PTPRD: variants seen among roughly 807,000 people sequenced by gnomAD.
PTPRD encodes receptor-type tyrosine-protein phosphatase delta.
Under a neutral mutation model 214.5 loss-of-function variants are expected in PTPRD, and 34 were observed. The observed-to-expected ratio is 0.16, with a 90% CI of 0.12 to 0.21. The LOEUF is 0.21. PTPRD is among the 10% of genes least tolerant of loss of function. PTPRD has a pLI of 1.00. For missense variants in PTPRD, 2,545 were observed against 2,398.7 expected (o/e 1.06, Z -1.27); for synonymous variants, 1,128 against 845.7 (o/e 1.33, Z -5.79).
intron 8 of PTPRD, among the ~76,000 whole-genome samples, chr9:9,538,286 G>A (rs1474915041): frequency 6.6e-6 from 1 of 151,860 alleles, no homozygotes; most frequent in Non-Finnish European, 1.5e-5. Flanking sequence ...ACACACACAA[G>A]CACAGCACCA....
At chr9:8,726,026 G>GACAGACACAC (rs1416841611) in intron 12 of PTPRD, among the ~76,000 whole-genome samples, 6 of 139,512 alleles carry the variant, frequency 4.3e-5, no homozygotes, top group African/African-American at 1.7e-4. Context: ...CAGACAGACA[G>GACAGACACAC]ACACACACAC....
At chr9:10,129,020 T>C (rs1032205435) in intron 3 of PTPRD, among the ~76,000 whole-genome samples, 1 of 152,120 alleles carries the variant, frequency 6.6e-6, no homozygotes, top group Non-Finnish European at 1.5e-5. Context: ...AGATTAGTTT[T>C]ACAAAATGAT....
intron 4 of PTPRD, among the ~76,000 whole-genome samples, chr9:9,941,083 A>G (rs2091328157): frequency 6.6e-6 from 1 of 152,130 alleles, no homozygotes; most frequent in Non-Finnish European, 1.5e-5. Flanking sequence ...GAAAATTCCA[A>G]AAAAATCTCA....
At chr9:10,224,594 G>C (rs2099582623) in intron 3 of PTPRD, among the ~76,000 whole-genome samples, 1 of 151,962 alleles carries the variant, frequency 6.6e-6, no homozygotes. Flanking sequence ...AAAATCTGAA[G>C]TCATTTAACC....
intron 11 of PTPRD, among the ~76,000 whole-genome samples, chr9:8,947,143 C>A (rs191093543): frequency 4.7e-4 from 71 of 149,618 alleles, no homozygotes; most frequent in African/African-American, 1.7e-3. Flanking sequence ...TTCCTAATTT[C>A]AATGCAGCTT....
intron 3 of PTPRD, among the ~76,000 whole-genome samples, chr9:10,222,191 C>T (rs879262289): frequency 5.9e-5 from 9 of 152,014 alleles, no homozygotes; most frequent in Non-Finnish European, 1.0e-4. Context: ...TTAACTCAGA[C>T]TTTTTCCTCT....
At chr9:9,802,459 C>G (rs1442554559) in intron 5 of PTPRD, among the ~76,000 whole-genome samples, 4 of 151,862 alleles carry the variant, frequency 2.6e-5, no homozygotes, top group South Asian at 2.1e-4. Flanking sequence ...CCACAGAACT[C>G]AAACTTAAAC....
chr9:9,152,274 C>T (rs1258609131), intron 10 of PTPRD, among the ~76,000 whole-genome samples: 1 of 152,292 alleles, frequency 6.6e-6, no homozygotes, highest in Non-Finnish European at 1.5e-5. Flanking sequence ...AGAGACATTA[C>T]CCGTGACTTC....
intron 43 of PTPRD, among the ~76,000 whole-genome samples, chr9:8,334,029 T>C (rs1359453919): frequency 2.0e-5 from 3 of 152,052 alleles, no homozygotes; most frequent in Non-Finnish European, 4.4e-5. Context: ...CCCAGATTCA[T>C]AAAATAAAGC....
intron 10 of PTPRD, among the ~76,000 whole-genome samples, chr9:9,102,984 A>C (rs147004708): frequency 6.6e-6 from 1 of 152,176 alleles, no homozygotes; most frequent in African/African-American, 2.4e-5. Context: ...GTCAGTTTTT[A>C]TGGTCTCTGT....
chr9:8,529,324 A>G (rs957413053), intron 14 of PTPRD, among the ~76,000 whole-genome samples: 1 of 152,082 alleles, frequency 6.6e-6, no homozygotes, highest in African/African-American at 2.4e-5. Flanking sequence ...TGTTTTTCTT[A>G]TAACTCTGTT....
intron 34 of PTPRD, among the ~76,000 whole-genome samples, chr9:8,438,319 G>C (rs912446438): frequency 5.3e-5 from 8 of 152,132 alleles, no homozygotes; most frequent in African/African-American, 1.9e-4. Flanking sequence ...GTGAATTGTG[G>C]TGGTTTAGTT....
At chr9:8,524,868 T>G in intron 18 of PTPRD, 57 bp downstream of exon 18, 1 of 1,447,756 alleles carries the variant, frequency 6.9e-7, no homozygotes, top group Non-Finnish European at 9.7e-7. Context: ...CCCTGCGGCG[T>G]CTCAACTCCC....
chr9:8,507,507 C>G, intron 21 of PTPRD, 73 bp from the exon 22 acceptor site: 8 of 1,571,550 alleles, frequency 5.1e-6, no homozygotes, highest in Non-Finnish European at 7.0e-6. Context: ...ATTAGCGTAA[C>G]CTGCTTAAAC....
chr9:9,117,082 T>C (rs560837531), intron 10 of PTPRD, among the ~76,000 whole-genome samples: 1 of 152,282 alleles, frequency 6.6e-6, no homozygotes, highest in African/African-American at 2.4e-5. Context: ...AGGTGACTCC[T>C]GAAAGCAGAA....
In PTPRD at chr9:10,388,924, G is replaced by A. The variant is rs76168760; in HGVS notation, c.-599-47907C>T. 9.9e-3 allele frequency among the ~76,000 whole-genome samples: 1,511 copies of A among 151,876 alleles called. 11 individuals are homozygous for A. The highest frequency in any genetic ancestry group is 0.016 in the Non-Finnish European group (1,079 of 67,846). On this transcript the variant is annotated intron_variant, in intron 2 of 45. Coordinates refer to ENST00000381196, the MANE Select transcript of PTPRD (RefSeq NM_002839.4). ...GTAAGTATTATCCATAGGAAAAAAG[G>A]TGTTAAACATCAAATGAAATTGTAT...
chr9:9,189,207 GA>G (rs1569560441), intron 9 of PTPRD, among the ~76,000 whole-genome samples: 1 of 151,912 alleles, frequency 6.6e-6, no homozygotes, highest in Non-Finnish European at 1.5e-5. Flanking sequence ...AGGTGCTTTT[GA>G]AAAAATATCC....
At chr9:9,565,166 ATGAG>A (rs2084121828) in intron 8 of PTPRD, among the ~76,000 whole-genome samples, 7 of 151,752 alleles carry the variant, frequency 4.6e-5, no homozygotes, top group Non-Finnish European at 7.4e-5. Flanking sequence ...GATTATCTGA[ATGAG>A]TAATTGTAAA....
At chr9:9,840,036 T>G (rs929593964) in intron 5 of PTPRD, among the ~76,000 whole-genome samples, 3 of 151,952 alleles carry the variant, frequency 2.0e-5, no homozygotes, top group Non-Finnish European at 4.4e-5. Context: ...GTTTTTATTA[T>G]TATTATTTAT....
Sources: gnomAD v4.1 joint callset for allele counts (sites outside exome capture counted in the v4.1 genomes callset) on GRCh38, gnomAD v4.1.1 for gene constraint, MANE v1.5 for transcripts, NCBI Gene and HGNC (gene_info 2026-07-23, HGNC 2026-07-21) for gene names.